ITFG1: variants seen among roughly 807,000 people sequenced by gnomAD.
ITFG1 encodes the protein T-cell immunomodulatory protein.
ITFG1 carries 34 observed loss-of-function variants against 81.8 expected under a neutral mutation model. The ratio of observed to expected loss-of-function variants is 0.42; its 90% CI spans 0.32 to 0.55. The LOEUF (loss-of-function observed/expected upper bound fraction) is 0.55. ITFG1 is among the 20% of genes least tolerant of loss of function. The pLI is 0.17. For synonymous variants in ITFG1, 285 were observed against 270.6 expected (o/e 1.05, Z -0.52); for missense variants, 672 against 755.4 (o/e 0.89, Z 1.29).
At chr16:47,280,911 A>G (rs1966444984) in intron 10 of ITFG1, among the ~76,000 whole-genome samples, 1 of 152,136 alleles carries the variant, frequency 6.6e-6, no homozygotes, top group South Asian at 2.1e-4. Context: ...CTCTAACTCC[A>G]TGGGGACAAA....
intron 6 of ITFG1, among the ~76,000 whole-genome samples, chr16:47,410,465 C>G (rs1440997798): frequency 6.6e-6 from 1 of 151,706 alleles, no homozygotes; most frequent in East Asian, 1.9e-4. Flanking sequence ...CTAGACACAG[C>G]CAGGAAGCGC....
chr16:47,326,975 T>C (rs2151571549), intron 8 of ITFG1, among the ~76,000 whole-genome samples: 1 of 152,280 alleles, frequency 6.6e-6, no homozygotes, highest in South Asian at 2.1e-4. Context: ...AAAAAACTAC[T>C]TTAAAGTGCA....
At chr16:47,333,358 T>C (rs1001103855) in intron 8 of ITFG1, among the ~76,000 whole-genome samples, 3 of 152,168 alleles carry the variant, frequency 2.0e-5, no homozygotes, top group African/African-American at 7.2e-5. Flanking sequence ...TCCAAGGATG[T>C]CTCCTCTCTT....
At chr16:47,388,555 C>T (rs1318996185) in intron 6 of ITFG1, among the ~76,000 whole-genome samples, 1 of 152,062 alleles carries the variant, frequency 6.6e-6, no homozygotes, top group African/African-American at 2.4e-5. Flanking sequence ...TGACATACTC[C>T]AAATGACGGA....
intron 8 of ITFG1, among the ~76,000 whole-genome samples, chr16:47,327,504 A>G (rs1342972296): frequency 6.6e-6 from 1 of 152,218 alleles, no homozygotes; most frequent in African/African-American, 2.4e-5. Context: ...GAGCTTCTGC[A>G]CAGCAAAAGA....
At chr16:47,231,336 T>C (rs1000328516) in intron 13 of ITFG1, among the ~76,000 whole-genome samples, 2 of 152,180 alleles carry the variant, frequency 1.3e-5, no homozygotes, top group African/African-American at 4.8e-5. Context: ...TCCACTGACA[T>C]AGTGAAAGGT....
intron 10 of ITFG1, among the ~76,000 whole-genome samples, chr16:47,265,808 G>A (rs1365524582): frequency 5.9e-5 from 9 of 152,086 alleles, no homozygotes; most frequent in East Asian, 1.9e-4. Flanking sequence ...CAAGCCATAC[G>A]TTGTGAGATT....
intron 10 of ITFG1, among the ~76,000 whole-genome samples, chr16:47,274,708 C>G (rs1966379294): frequency 6.6e-6 from 1 of 152,000 alleles, no homozygotes; most frequent in Admixed American, 6.5e-5. Context: ...GAAAATACCA[C>G]TAATAAACTC....
intron 10 of ITFG1, among the ~76,000 whole-genome samples, chr16:47,293,127 T>C (rs1966930807): frequency 6.8e-6 from 1 of 146,926 alleles, no homozygotes; most frequent in South Asian, 2.1e-4. Flanking sequence ...TATACAAGCA[T>C]GATATATAAT....
chr16:47,332,125 C>T (rs1967644678), intron 8 of ITFG1, among the ~76,000 whole-genome samples: 1 of 151,704 alleles, frequency 6.6e-6, no homozygotes, highest in African/African-American at 2.4e-5. Context: ...GAACTTTTTG[C>T]CAGAAGGGTA....
At chr16:47,369,153 A>G (rs1345971568) in intron 7 of ITFG1, among the ~76,000 whole-genome samples, 1 of 152,242 alleles carries the variant, frequency 6.6e-6, no homozygotes, top group Non-Finnish European at 1.5e-5. Context: ...AAAGTGCAGC[A>G]TAACTACGCT....
intron 10 of ITFG1, among the ~76,000 whole-genome samples, chr16:47,292,655 C>T (rs1020099161): frequency 1.3e-5 from 2 of 152,020 alleles, no homozygotes; most frequent in South Asian, 2.1e-4. Flanking sequence ...TCCCTCAACC[C>T]CCCTCACCCT....
At chr16:47,460,118 AAGTAG>A (rs1969508909) in intron 1 of ITFG1, among the ~76,000 whole-genome samples, 1 of 152,258 alleles carries the variant, frequency 6.6e-6, no homozygotes, top group Non-Finnish European at 1.5e-5. Flanking sequence ...TTAGCAAAGA[AAGTAG>A]ACATTTGGAA....
At chr16:47,361,897 T>C (rs1373275230) in intron 8 of ITFG1, among the ~76,000 whole-genome samples, 1 of 152,170 alleles carries the variant, frequency 6.6e-6, no homozygotes, top group East Asian at 1.9e-4. Flanking sequence ...TTTGGAGGGC[T>C]CATCTCAGTC....
chr16:47,349,513 T>C (rs1341889554), intron 8 of ITFG1, among the ~76,000 whole-genome samples: 2 of 152,122 alleles, frequency 1.3e-5, no homozygotes, highest in East Asian at 3.9e-4. Context: ...GAGCTAACTA[T>C]CCTAAATATA....
chr16:47,446,772 T>A (rs1182704489), intron 5 of ITFG1, among the ~76,000 whole-genome samples: 3 of 152,228 alleles, frequency 2.0e-5, no homozygotes, highest in African/African-American at 7.2e-5. Context: ...AAATTATGAT[T>A]CTGATTCATT....
intron 6 of ITFG1, among the ~76,000 whole-genome samples, chr16:47,422,528 C>T (rs1054446034): frequency 6.6e-6 from 1 of 152,194 alleles, no homozygotes; most frequent in African/African-American, 2.4e-5. Flanking sequence ...GGAGGATTCC[C>T]TCTTTTTCTA....
At chr16:47,224,964 A>G (rs1965740593) in intron 13 of ITFG1, among the ~76,000 whole-genome samples, 1 of 152,128 alleles carries the variant, frequency 6.6e-6, no homozygotes, top group African/African-American at 2.4e-5. Flanking sequence ...GCACCACTGC[A>G]CTCTAGCCTG....
intron 8 of ITFG1, among the ~76,000 whole-genome samples, chr16:47,338,575 C>T (rs1052167252): frequency 2.0e-5 from 3 of 151,566 alleles, no homozygotes; most frequent in South Asian, 2.1e-4. Flanking sequence ...AATTTATAGC[C>T]TATTCAAAGA....
Sources: allele counts gnomAD v4.1 joint callset (sites outside exome capture counted in the v4.1 genomes callset), GRCh38; gene constraint gnomAD v4.1.1; transcripts MANE v1.5; gene names NCBI Gene and HGNC (gene_info 2026-07-23, HGNC 2026-07-21).